SLC16A5: variants seen among roughly 807,000 people sequenced by gnomAD.
SLC16A5 encodes solute carrier family 16 member 5, also known as monocarboxylate transporter 6.
SLC16A5 carries 29 observed loss-of-function variants against 33.2 expected under a neutral mutation model. The ratio of observed to expected loss-of-function variants is 0.87; its 90% CI spans 0.65 to 1.19. The LOEUF is 1.19. SLC16A5 is among the 50% of genes most tolerant of loss of function. SLC16A5 has a pLI of 0.00. For missense variants in SLC16A5, 606 were observed against 678.2 expected (o/e 0.89, Z 1.18); for synonymous variants, 248 against 284.1 (o/e 0.87, Z 1.28).
chr17:75,104,565 CCTCTG>C (rs2073840776), intron 6 of SLC16A5: 1 of 668,188 alleles, frequency 1.5e-6, no homozygotes, highest in African/African-American at 2.0e-5. Flanking sequence ...GATTCTCCTG[CCTCTG>C]CCCCCCAAGT....
downstream of SLC16A5, among the ~76,000 whole-genome samples, chr17:75,107,341 A>G (rs1301459595): frequency 1.3e-5 from 2 of 152,106 alleles, no homozygotes; most frequent in African/African-American, 4.8e-5. Context: ...TCTGCATAGG[A>G]AACTTTCATC....
chr17:75,094,563 G>C (rs1319673356), intron 3 of SLC16A5, among the ~76,000 whole-genome samples: 1 of 151,934 alleles, frequency 6.6e-6, no homozygotes, highest in Admixed American at 6.6e-5. Flanking sequence ...GCGGGTGCCT[G>C]TAATCCCAGC....
In SLC16A5 at chr17:75,100,351, G is replaced by A. The variant is rs942118501; in HGVS notation, c.688G>A (p.Asp230Asn). The A allele has an allele frequency of 1.7e-5, 27 of 1,614,054 alleles. No homozygotes were observed. The highest frequency in any genetic ancestry group is 2.0e-5 in the Non-Finnish European group (24 of 1,180,042). The change falls in exon 5 of 7, where the codon GAC becomes AAC. Residue 230 changes from aspartate (D) to asparagine (N), a missense_variant. By Grantham distance (23) the Asp-to-Asn change is conservative. Transcript: ENST00000329783. ...GACCATCCAGCGCCACCTGGCCTTCGACATCCTGCGGCACAACACAGGCTA... is the reference window on the plus strand; with the variant it reads ...GACCATCCAGCGCCACCTGGCCTTCAACATCCTGCGGCACAACACAGGCTA... ...GRTIQRHLAF[D>N]ILRHNTGYCV... is the part of the protein sequence containing the mutation.
intron 5 of SLC16A5, among the ~76,000 whole-genome samples, chr17:75,102,385 GCGACAGAGTGAAACTC>G (rs1300694379): frequency 6.6e-6 from 1 of 151,736 alleles, no homozygotes; most frequent in Non-Finnish European, 1.5e-5. Flanking sequence ...TCCAGCCTGG[GCGACAGAGTGAAACTC>G]CAACTCGAAA....
downstream of SLC16A5, among the ~76,000 whole-genome samples, chr17:75,108,826 T>G (rs979511242): frequency 2.0e-5 from 3 of 152,178 alleles, no homozygotes; most frequent in South Asian, 2.1e-4. Context: ...AAAAGTATGT[T>G]TTGTGCAAGG....
chr17:75,091,017 C>T (rs1456457102), intron 2 of SLC16A5, among the ~76,000 whole-genome samples: 1 of 152,156 alleles, frequency 6.6e-6, no homozygotes, highest in African/African-American at 2.4e-5. Flanking sequence ...CAAGAAGGGA[C>T]CAGAGCCAGG....
chr17:75,100,838 C>A, intron 5 of SLC16A5, 22 bp downstream of exon 5: 1 of 1,545,634 alleles, frequency 6.5e-7, no homozygotes, highest in Non-Finnish European at 8.8e-7. Context: ...GGAGGGAGGG[C>A]AGCCAGATAG....
rs1266524306 is a variant in SLC16A5, at chr17:75,106,036, G to T, written c.*3G>T. The T allele has an allele frequency of 6.7e-7, 1 of 1,483,726 alleles. No individual in the cohort carries two copies. Among genetic ancestry groups the T allele is most frequent in the Non-Finnish European group, 9.2e-7 (1 of 1,083,442 alleles). The allele number at this position is 1,483,726 out of a possible 1,614,324, so 91.9% of individuals were successfully genotyped here. ...TGGGCTGGAATAGCCCTACCTGAGT[G>T]CCCTGTTTGACTCCGCCACTATCTG... is the stretch of plus-strand genomic sequence containing the variant. On this transcript the variant is annotated 3_prime_UTR_variant, in exon 7 of 7. Transcript: ENST00000329783.
At chr17:75,087,538 G>C (rs73350542), upstream of SLC16A5, among the ~76,000 whole-genome samples, 12,016 of 152,236 alleles carry the variant, frequency 0.079, 1,574 homozygotes, top group African/African-American at 0.27. Flanking sequence ...GACTCCCACC[G>C]GCAGGCGCAG....
At chr17:75,106,199 G>C, downstream of SLC16A5, 1 of 457,098 alleles carries the variant, frequency 2.2e-6, no homozygotes, top group Non-Finnish European at 3.9e-6. Flanking sequence ...GTCTCTTCCG[G>C]TTGAAAAGTC....
At position 75,100,577 on chromosome 17, in the gene SLC16A5, A is replaced by T. The variant is rs1411617474; in HGVS notation, c.914A>T (p.Lys305Met). 2.5e-5 allele frequency: 41 copies of T among 1,614,100 alleles called. No homozygotes were observed. Among genetic ancestry groups the T allele is most frequent in the Non-Finnish European group, 3.5e-5 (41 of 1,180,046 alleles). Residue 305 changes from lysine to methionine, a missense_variant, in exon 5 of 7, where the codon AAG becomes ATG. Transcript: ENST00000329783. ...AGRPAFASHRKYLFSLALLLN... is the reference protein window; with the variant it reads ...AGRPAFASHRMYLFSLALLLN... Reference sequence around the variant, plus strand: ...CGGCCGGCCTTTGCTAGCCACCGCAAGTACCTGTTCAGCCTGGCACTCCTG... The same window carrying T: ...CGGCCGGCCTTTGCTAGCCACCGCATGTACCTGTTCAGCCTGGCACTCCTG...
Position 75,099,718 on chromosome 17 carries a change from C to T in SLC16A5, c.344-289C>T, listed in dbSNP as rs541673051. On this transcript the variant is annotated intron_variant, in intron 4 of 6. Coordinates refer to ENST00000329783, the MANE Select transcript of SLC16A5 (RefSeq NM_004695.4). ...CCTCCCAAAGTGCTGGGATTACAGG[C>T]GTGAGCCACCGCGCTCGGCCCAATT... Among the ~76,000 whole-genome samples, 6 of 152,210 alleles carry T rather than the reference C, an allele frequency of 3.9e-5. No homozygotes were observed. The South Asian group carries it at 6.2e-4, about 16-fold the overall frequency.
At chr17:75,104,529 C>T (rs1349646586) in intron 6 of SLC16A5, 2 of 939,090 alleles carry the variant, frequency 2.1e-6, no homozygotes, top group African/African-American at 1.8e-5. Context: ...AAGGGATTCT[C>T]CTGCCTCTGC....
chr17:75,096,524 G>T (rs12946555), intron 3 of SLC16A5, among the ~76,000 whole-genome samples: 114,560 of 149,858 alleles, frequency 0.76, 44,535 homozygotes, highest in African/African-American at 0.83. Context: ...TCTGTCACTT[G>T]CTTTTTTCTT....
In SLC16A5 at chr17:75,093,822, G is replaced by A; in HGVS notation, c.186G>A (p.Val62=). 1 of 1,614,048 alleles carries A rather than the reference G, an allele frequency of 6.2e-7. No individual in the cohort carries two copies. Residue 62 remains valine (V), a synonymous_variant, in exon 3 of 7, where the codon GTG becomes GTA. Transcript: ENST00000329783. ...TSWFPSILTA[V]LHMAGPLCSI... ...GGTTCCCCTCCATCCTCACGGCTGT[G>A]CTCCACATGGCAGGTGAGCGGCCTA...
chr17:75,088,783 C>T (rs67088815), intron 1 of SLC16A5, among the ~76,000 whole-genome samples: 6,973 of 152,292 alleles, frequency 0.046, 227 homozygotes, highest in Middle Eastern at 0.16. Context: ...ACACGAGACC[C>T]CTGGATGAGA....
chr17:75,100,427 C>G lies in SLC16A5; in HGVS notation c.764C>G (p.Pro255Arg). The G allele has an allele frequency of 6.2e-7, 1 of 1,614,262 alleles. No homozygotes were observed. Among genetic ancestry groups the G allele is most frequent in the Non-Finnish European group, 8.5e-7 (1 of 1,180,056 alleles). Residue 255 changes from proline (P) to arginine (R), a missense_variant, in exon 5 of 7, where the codon CCA (proline) becomes CGA (arginine). Transcript: ENST00000329783. ...TGGTCCGTCCTGGGCTTCCCACTGC[C>G]ACAAGTCTTCCTGGTGCCATATGCC... ...VMWSVLGFPL[P>R]QVFLVPYAMW...
At chr17:75,104,483 C>T (rs2073839569) in intron 6 of SLC16A5, 1 of 1,118,580 alleles carries the variant, frequency 8.9e-7, no homozygotes. Flanking sequence ...GCAGTGGCAC[C>T]ATCTCGGCTC....
chr17:75,098,107 C>A lies in SLC16A5; in HGVS notation c.269C>A (p.Ala90Asp). 1 of 1,611,676 alleles carries A rather than the reference C, an allele frequency of 6.2e-7. No homozygotes were observed. Among genetic ancestry groups the A allele is most frequent in the Admixed American group, 1.7e-5 (1 of 59,732 alleles). The stretch of plus-strand genomic sequence containing the variant: ...ACCGTGATGCTGGGGGGCGTGCTGG[C>A]CAGCCTGGGCATGGTGGCCAGCTCC... ...RVTVMLGGVLASLGMVASSFS... is the reference protein window; with the variant it reads ...RVTVMLGGVLDSLGMVASSFS... Residue 90 changes from alanine to aspartate, a missense_variant, in exon 4 of 7, where the codon GCC becomes GAC. Coordinates refer to ENST00000329783, the MANE Select transcript of SLC16A5 (RefSeq NM_004695.4).
Sources: allele counts gnomAD v4.1 joint callset (sites outside exome capture counted in the v4.1 genomes callset), GRCh38; gene constraint gnomAD v4.1.1; transcripts MANE v1.5; gene names NCBI Gene and HGNC (gene_info 2026-07-23, HGNC 2026-07-21).